VDAC1: variants seen among roughly 807,000 people sequenced by gnomAD.
VDAC1 encodes the protein non-selective voltage-gated ion channel VDAC1.
In VDAC1, 10 loss-of-function variants were observed where a neutral mutation model predicts 34.7. The observed-to-expected ratio is 0.29, with a 90% confidence interval of 0.18 to 0.49. VDAC1 has a LOEUF of 0.49. Ranked by LOEUF, VDAC1 falls within the 20% of genes least tolerant of loss-of-function variation. VDAC1 has a pLI of 0.99. For synonymous variants in VDAC1, 130 were observed against 136.0 expected (o/e 0.96, Z 0.30); for missense variants, 230 against 347.9 (o/e 0.66, Z 2.69).
At chr5:133,980,689 A>ACGCCCCC in intron 6 of VDAC1, 40 bp downstream of exon 6, 1 of 564,058 alleles carries the variant, frequency 1.8e-6, no homozygotes. Flanking sequence ...ACATGCTCCA[A>ACGCCCCC]CCCCACCCCT....
the VDAC1 span, among the ~76,000 whole-genome samples, chr5:134,077,857 C>T: frequency 1.3e-5 from 2 of 152,222 alleles, no homozygotes; most frequent in African/African-American, 4.8e-5. Flanking sequence ...CAGGTCAGCT[C>T]TCCTACTAAA....
At chr5:134,021,616 G>A in the VDAC1 span, among the ~76,000 whole-genome samples, 1 of 151,130 alleles carries the variant, frequency 6.6e-6, no homozygotes, top group South Asian at 2.1e-4. Flanking sequence ...AAGGTCTTAA[G>A]AGACACAGGA....
Position 133,972,252 on chromosome 5 carries a change from A to T in VDAC1, c.*519T>A, listed in dbSNP as rs1752323779. On this transcript the variant is annotated 3_prime_UTR_variant, in exon 9 of 9. Transcript: ENST00000265333. ...CACCTTCTCCACCCCAAAATGGCAC[A>T]AAAGAAACAGTTACCACACCCTGCA... is the stretch of plus-strand genomic sequence containing the variant. 1 of 196,038 alleles carries T rather than the reference A, an allele frequency of 5.1e-6. No individual in the cohort carries two copies. The highest frequency in any genetic ancestry group is 2.3e-5 in the African/African-American group (1 of 43,416). 12.1% of individuals were successfully genotyped at this position (196,038 alleles called of 1,614,324 possible). A position where few individuals can be genotyped will look rare whatever the true frequency, so the allele number is the denominator to read the frequency against.
the VDAC1 span, among the ~76,000 whole-genome samples, chr5:134,032,193 A>C: frequency 6.6e-6 from 1 of 151,540 alleles, no homozygotes; most frequent in Non-Finnish European, 1.5e-5. Flanking sequence ...GAGCCAAGGA[A>C]TGCAAGGAGT....
chr5:134,103,247 G>A, the VDAC1 span, among the ~76,000 whole-genome samples: 6 of 152,152 alleles, frequency 3.9e-5, no homozygotes, highest in South Asian at 4.2e-4. Flanking sequence ...TCAGCCTCCC[G>A]AGTAGCTGGG....
At chr5:133,994,294 T>C (rs552200790) in intron 1 of VDAC1, among the ~76,000 whole-genome samples, 79 of 152,368 alleles carry the variant, frequency 5.2e-4, no homozygotes, top group African/African-American at 1.7e-3. Flanking sequence ...AATTGTGAAG[T>C]TGTGATCCAG....
chr5:134,032,318 A>T, the VDAC1 span, among the ~76,000 whole-genome samples: 10 of 152,040 alleles, frequency 6.6e-5, no homozygotes, highest in Non-Finnish European at 1.2e-4. Flanking sequence ...GTGGCCCAAG[A>T]ACAGCAAGAC....
At chr5:134,016,334 G>A in the VDAC1 span, among the ~76,000 whole-genome samples, 2 of 152,210 alleles carry the variant, frequency 1.3e-5, no homozygotes, top group South Asian at 2.1e-4. Context: ...AAGAAGAACT[G>A]GCCTGGGGCT....
chr5:134,049,156 G>A, the VDAC1 span, among the ~76,000 whole-genome samples: 1 of 152,186 alleles, frequency 6.6e-6, no homozygotes, highest in Non-Finnish European at 1.5e-5. Flanking sequence ...AGGTCTAGCT[G>A]ATGTCAAGAC....
At chr5:134,068,743 G>A in the VDAC1 span, among the ~76,000 whole-genome samples, 1 of 152,070 alleles carries the variant, frequency 6.6e-6, no homozygotes, top group Non-Finnish European at 1.5e-5. Context: ...AACAGTTCTG[G>A]AAAATTATTA....
chr5:134,097,665 T>A, the VDAC1 span, among the ~76,000 whole-genome samples: 1 of 152,238 alleles, frequency 6.6e-6, no homozygotes, highest in South Asian at 2.1e-4. Context: ...GAGGGGCTGC[T>A]GGTGAAGGTG....
chr5:134,006,852 A>G (rs1003560881), upstream of VDAC1, among the ~76,000 whole-genome samples: 1 of 151,316 alleles, frequency 6.6e-6, no homozygotes, highest in Admixed American at 6.6e-5. Flanking sequence ...TTTCAGATTA[A>G]CCACTCACTT....
Position 133,972,117 on chromosome 5 carries a change from C to T in VDAC1, c.*654G>A, listed in dbSNP as rs1253413773. The stretch of plus-strand genomic sequence containing the variant: ...TGTGATTACAATCACACAGACACTT[C>T]CAAGCTTATAGCTGGAGCTCCTGGA... On this transcript the variant is annotated 3_prime_UTR_variant, in exon 9 of 9. Coordinates refer to ENST00000265333, the MANE Select transcript of VDAC1 (RefSeq NM_003374.3). 1.3e-5 allele frequency: 2 copies of T among 152,980 alleles called. No individual in the cohort carries two copies. The highest frequency in any genetic ancestry group is 4.8e-5 in the African/African-American group (2 of 41,460). 9.5% of individuals were successfully genotyped at this position (152,980 alleles called of 1,614,324 possible). A position where few individuals can be genotyped will look rare whatever the true frequency, so the allele number is the denominator to read the frequency against.
the VDAC1 span, among the ~76,000 whole-genome samples, chr5:134,087,314 A>G: frequency 5.3e-5 from 8 of 152,028 alleles, no homozygotes; most frequent in South Asian, 6.2e-4. Context: ...TAAGGCAACA[A>G]TGGAAAGTTT....
At chr5:134,055,619 T>TTA in the VDAC1 span, among the ~76,000 whole-genome samples, 4 of 109,444 alleles carry the variant, frequency 3.7e-5, no homozygotes, top group East Asian at 1.1e-3. Flanking sequence ...TTTTTTTTTT[T>TTA]AGTAGAGACA....
At chr5:134,000,429 C>T (rs1397234154) in intron 1 of VDAC1, among the ~76,000 whole-genome samples, 1 of 152,202 alleles carries the variant, frequency 6.6e-6, no homozygotes, top group African/African-American at 2.4e-5. Flanking sequence ...TGCCCACCCA[C>T]CTATCAAGGG....
the VDAC1 span, among the ~76,000 whole-genome samples, chr5:134,102,185 C>A: frequency 6.6e-6 from 1 of 152,080 alleles, no homozygotes; most frequent in Non-Finnish European, 1.5e-5. Flanking sequence ...CTGTGAGCAG[C>A]CCCCGCCGCT....
chr5:134,094,558 G>C, the VDAC1 span, among the ~76,000 whole-genome samples: 5 of 152,238 alleles, frequency 3.3e-5, no homozygotes, highest in South Asian at 1.0e-3. Flanking sequence ...TTAGCCGAGC[G>C]TGGCGGCGGA....
the VDAC1 span, among the ~76,000 whole-genome samples, chr5:134,030,640 A>G: frequency 6.8e-6 from 1 of 148,036 alleles, no homozygotes; most frequent in East Asian, 2.0e-4. Flanking sequence ...TCTGTCGCCC[A>G]AGCTGGAAGC....
Sources: gnomAD v4.1 joint callset for allele counts (sites outside exome capture counted in the v4.1 genomes callset) on GRCh38, gnomAD v4.1.1 for gene constraint, MANE v1.5 for transcripts, NCBI Gene and HGNC (gene_info 2026-07-23, HGNC 2026-07-21) for gene names.